C8orf90: variants seen among roughly 807,000 people sequenced by gnomAD.
C8orf90 encodes the protein chromosome 8 open reading frame 90, also known as uncharacterized protein C8orf90.
chr8:141,518,096 C>T, the C8orf90 span: 2 of 512,336 alleles, frequency 3.9e-6, no homozygotes, highest in Non-Finnish European at 6.8e-6. Context: ...CGAGCTCATT[C>T]GGCGGCTCCT....
chr8:141,518,157 G>T, the C8orf90 span: 1 of 527,850 alleles, frequency 1.9e-6, no homozygotes, highest in South Asian at 2.4e-5. Context: ...TCCCGCCTGC[G>T]CGGGCCGCTC....
chr8:141,517,235 T>G, the C8orf90 span, among the ~76,000 whole-genome samples: 1 of 152,234 alleles, frequency 6.6e-6, no homozygotes, highest in Non-Finnish European at 1.5e-5. Context: ...ATGGTCATAT[T>G]CATCCATTCC....
the C8orf90 span, chr8:141,518,160 G>C: frequency 0.19 from 98,341 of 524,940 alleles, 10,649 homozygotes; most frequent in South Asian, 0.37. Flanking sequence ...CGCCTGCGCG[G>C]GCCGCTCCCG....
chr8:141,515,418 A>G, the C8orf90 span, among the ~76,000 whole-genome samples: 1 of 141,150 alleles, frequency 7.1e-6, no homozygotes, highest in African/African-American at 2.7e-5. Flanking sequence ...CTTCACTCCT[A>G]AAGACCCTGG....
the C8orf90 span, among the ~76,000 whole-genome samples, chr8:141,515,603 C>A: frequency 1.2e-4 from 18 of 151,992 alleles, no homozygotes; most frequent in Admixed American, 9.8e-4. Context: ...CCAGCTCCTG[C>A]CCTCGAGGGC....
chr8:141,518,697 G>A, the C8orf90 span: 3 of 530,308 alleles, frequency 5.7e-6, no homozygotes, highest in Non-Finnish European at 1.0e-5. Context: ...GCTGCCCCGA[G>A]AGCGAACAGA....
the C8orf90 span, among the ~76,000 whole-genome samples, chr8:141,516,086 C>A: frequency 1.3e-5 from 2 of 152,156 alleles, no homozygotes; most frequent in African/African-American, 4.8e-5. Context: ...ATGCCCCATC[C>A]CTCCTCCCAG....
chr8:141,518,502 C>T, the C8orf90 span: 12 of 615,160 alleles, frequency 2.0e-5, no homozygotes, highest in East Asian at 2.0e-4. Context: ...TGCTGCGGCC[C>T]CTGCACGCCA....
At chr8:141,514,994 T>G in the C8orf90 span, among the ~76,000 whole-genome samples, 2 of 151,990 alleles carry the variant, frequency 1.3e-5, no homozygotes, top group Non-Finnish European at 2.9e-5. Flanking sequence ...GCTCTGATGC[T>G]CTGAAGTCCC....
the C8orf90 span, chr8:141,518,129 G>A: frequency 1.9e-6 from 1 of 520,268 alleles, no homozygotes; most frequent in African/African-American, 2.0e-5. Context: ...ACCTCTCTTC[G>A]CGCCCGGCCT....
chr8:141,514,877 T>C, the C8orf90 span: 1 of 640,760 alleles, frequency 1.6e-6, no homozygotes, highest in Non-Finnish European at 2.8e-6. Flanking sequence ...AAGAAGATGC[T>C]CTGCCAAGGT....
chr8:141,518,259 C>T, the C8orf90 span: 33 of 627,732 alleles, frequency 5.3e-5, 1 homozygote, highest in South Asian at 1.0e-4. Flanking sequence ...ACATCTACGG[C>T]GGGGACGCGC....
chr8:141,516,156 ACTCTTCACC>A, the C8orf90 span, among the ~76,000 whole-genome samples: 1 of 150,968 alleles, frequency 6.6e-6, no homozygotes, highest in South Asian at 2.1e-4. Flanking sequence ...CACTCCAGCA[ACTCTTCACC>A]CTCTTTCTCC....
At chr8:141,516,540 G>A in the C8orf90 span, among the ~76,000 whole-genome samples, 55 of 152,186 alleles carry the variant, frequency 3.6e-4, no homozygotes, top group Non-Finnish European at 6.9e-4. Flanking sequence ...ATCACTGCCC[G>A]CTCCCTCTTG....
the C8orf90 span, among the ~76,000 whole-genome samples, chr8:141,516,198 C>T: frequency 6.6e-5 from 10 of 152,318 alleles, no homozygotes; most frequent in Non-Finnish European, 1.0e-4. Flanking sequence ...CCGCTCTTTC[C>T]CAGGTCGTTC....
the C8orf90 span, among the ~76,000 whole-genome samples, chr8:141,517,358 G>A: frequency 6.6e-6 from 1 of 152,244 alleles, no homozygotes; most frequent in Non-Finnish European, 1.5e-5. Context: ...TCCCATGGCT[G>A]CTTTGCTCAC....
the C8orf90 span, chr8:141,518,081 C>T: frequency 2.0e-5 from 10 of 512,354 alleles, no homozygotes; most frequent in Admixed American, 8.6e-5. Context: ...CCCAGCTCTG[C>T]CTTTCGAGCT....
At chr8:141,518,434 C>A in the C8orf90 span, 4 of 666,798 alleles carry the variant, frequency 6.0e-6, no homozygotes, top group Non-Finnish European at 1.1e-5. Flanking sequence ...CTACGACCCC[C>A]GCGACCGCGC....
chr8:141,516,605 C>T, the C8orf90 span, among the ~76,000 whole-genome samples: 1 of 152,140 alleles, frequency 6.6e-6, no homozygotes, highest in African/African-American at 2.4e-5. Flanking sequence ...GGACCCGAAG[C>T]TCTCTGCTTG....
Sources: allele counts gnomAD v4.1 joint callset (sites outside exome capture counted in the v4.1 genomes callset), GRCh38; gene constraint gnomAD v4.1.1; transcripts MANE v1.5; gene names NCBI Gene and HGNC (gene_info 2026-07-23, HGNC 2026-07-21).